HAUS1: variants seen among roughly 807,000 people sequenced by gnomAD.
The protein encoded by HAUS1 is HAUS augmin like complex subunit 1.
A neutral mutation model predicts 38.6 loss-of-function variants in HAUS1; 25 were observed. That is an observed-to-expected ratio of 0.65 (90% CI 0.47 to 0.91). The LOEUF (loss-of-function observed/expected upper bound fraction) is 0.91. Ranked by LOEUF, HAUS1 falls within the 40% of genes least tolerant of loss-of-function variation. The pLI is 0.00. For synonymous variants in HAUS1, 109 were observed against 112.9 expected, an observed-to-expected ratio of 0.97 and a Z score of 0.22; for missense variants, 325 against 328.4, an observed-to-expected ratio of 0.99 and a Z score of 0.08.
chr18:46,112,288 ATG>A (rs1166282664), intron 2 of HAUS1, among the ~76,000 whole-genome samples: 1 of 128,008 alleles, frequency 7.8e-6, no homozygotes, highest in Non-Finnish European at 1.6e-5. Context: ...ATAATATATA[ATG>A]TGTATATATA....
intron 8 of HAUS1, among the ~76,000 whole-genome samples, chr18:46,126,963 T>C (rs1912126771): frequency 1.3e-5 from 2 of 151,880 alleles, no homozygotes; most frequent in Middle Eastern, 3.4e-3. Flanking sequence ...GCCTCCTGAG[T>C]AGCTGGAACT....
At chr18:46,125,942 C>T in intron 8 of HAUS1, 151 bp downstream of exon 8, 1 of 604,994 alleles carries the variant, frequency 1.7e-6, no homozygotes, top group Non-Finnish European at 2.9e-6. Flanking sequence ...TCTTTTAATA[C>T]TTTTTTGGCT....
intron 2 of HAUS1, among the ~76,000 whole-genome samples, chr18:46,111,689 C>T (rs1279715760): frequency 1.3e-5 from 2 of 151,766 alleles, no homozygotes; most frequent in African/African-American, 4.8e-5. Context: ...AACCCCTGAC[C>T]TCAAGTGATC....
intron 2 of HAUS1, among the ~76,000 whole-genome samples, 195 bp downstream of exon 2, chr18:46,105,563 TG>T: frequency 6.7e-6 from 1 of 149,456 alleles, no homozygotes; most frequent in South Asian, 2.1e-4. Context: ...TGTGTGTGTG[TG>T]TGTGTGTGTG....
chr18:46,125,745 A>G lies in HAUS1; in HGVS notation c.740A>G (p.Asn247Ser), dbSNP rs1252258442. 1 of 1,594,526 alleles carries G rather than the reference A, an allele frequency of 6.3e-7. No homozygotes were observed. ...KLESYLDLMP[N>S]PSLAQVKIEE... ...TCCTTGTTTTATTTTTTTTTAAAGA[A>G]TCCGTCTCTTGCTCAAGTGAAAATT... Residue 247 changes from asparagine to serine, a missense_variant and splice_region_variant, in exon 8 of 9, where the codon AAT becomes AGT. Physicochemically the swap from Asn to Ser is conservative, Grantham distance 46. Coordinates refer to ENST00000282058, the MANE Select transcript of HAUS1 (RefSeq NM_138443.4).
chr18:46,120,120 C>A, intron 4 of HAUS1, 60 bp downstream of exon 4: 2 of 1,234,696 alleles, frequency 1.6e-6, no homozygotes, highest in South Asian at 1.7e-5. Flanking sequence ...AGGACATTGT[C>A]AAATTTAGTT....
At position 46,120,060 on chromosome 18, in the gene HAUS1, A is replaced by G. The variant is rs748171285; in HGVS notation, c.476A>G (p.Glu159Gly). Residue 159 changes from glutamate to glycine, a missense_variant and splice_region_variant, in exon 4 of 9, where the codon GAG (glutamate) becomes GGG (glycine). Glu to Gly is a moderately conservative substitution (Grantham distance 98, BLOSUM62 -2). Coordinates refer to ENST00000282058, the MANE Select transcript of HAUS1 (RefSeq NM_138443.4). ...TTAGTATTAGAAAAATGTCTACAAG[A>G]GTAAGTAATTGAGTTCAGAGTGGTG... is the stretch of plus-strand genomic sequence containing the variant. The part of the protein sequence containing the change: ...ATLVLEKCLQ[E>G]DVKKAELHLS... The G allele has an allele frequency of 6.3e-7, 1 of 1,588,970 alleles. No homozygotes were observed. Among genetic ancestry groups the G allele is most frequent in the Admixed American group, 1.8e-5 (1 of 56,906 alleles).
chr18:46,120,676 C>T (rs1911913174), intron 4 of HAUS1, among the ~76,000 whole-genome samples: 1 of 152,050 alleles, frequency 6.6e-6, no homozygotes, highest in South Asian at 2.1e-4. Context: ...ACCTCCACTT[C>T]CCGGGTTCAA....
At chr18:46,123,597 CT>C (rs2144264654) in intron 6 of HAUS1, among the ~76,000 whole-genome samples, 1 of 152,252 alleles carries the variant, frequency 6.6e-6, no homozygotes, top group African/African-American at 2.4e-5. Flanking sequence ...GCTGGAGTCA[CT>C]TATGTATTAT....
rs374962238 is a variant in HAUS1 at position 46,124,845 on chromosome 18, G to A, written c.690G>A (p.Gln230=). ...LSEKLARLKQ[Q]TIPLKKKLES... ...AGAAACTGGCAAGATTAAAGCAACA[G>A]ACTATACCTTTGAAGAAAAAATTGG... Residue 230 remains glutamine, a synonymous_variant, in exon 7 of 9, where the codon CAG becomes CAA. Transcript: ENST00000282058. 2.7e-5 allele frequency: 44 copies of A among 1,606,868 alleles called. No individual in the cohort carries two copies. Among genetic ancestry groups the A allele is most frequent in the Non-Finnish European group, 3.7e-5 (43 of 1,174,366 alleles).
At chr18:46,115,458 C>CA (rs35249053) in intron 2 of HAUS1, among the ~76,000 whole-genome samples, 1,494 of 108,758 alleles carry the variant, frequency 0.014, 30 homozygotes, top group African/African-American at 0.044. Flanking sequence ...GACTGCATCT[C>CA]AAAAAAAAAA....
At chr18:46,120,264 T>C (rs1163808980) in intron 4 of HAUS1, among the ~76,000 whole-genome samples, 3 of 151,752 alleles carry the variant, frequency 2.0e-5, no homozygotes, top group East Asian at 3.9e-4. Context: ...AAACGGAGTC[T>C]CACTCTGTCA....
chr18:46,104,503 C>CCGA, intron 1 of HAUS1, 62 bp downstream of exon 1: 1 of 1,355,898 alleles, frequency 7.4e-7, no homozygotes, highest in Non-Finnish European at 9.8e-7. Context: ...CACCCCCGCG[C>CCGA]CGACAGCGGG....
chr18:46,123,075 G>T, intron 5 of HAUS1: 1 of 448,470 alleles, frequency 2.2e-6, no homozygotes, highest in Non-Finnish European at 4.1e-6. Flanking sequence ...GCCGGGCGTG[G>T]TGGTGGGCGC....
At chr18:46,112,288 A>G (rs1426264477) in intron 2 of HAUS1, among the ~76,000 whole-genome samples, 1 of 128,008 alleles carries the variant, frequency 7.8e-6, no homozygotes, top group Non-Finnish European at 1.6e-5. Context: ...ATAATATATA[A>G]TGTGTATATA....
rs371654044 is a variant in HAUS1 at position 46,124,836 on chromosome 18, A to G, written c.681A>G (p.Leu227=). ...LVALSEKLAR[L]KQQTIPLKKK... The stretch of plus-strand genomic sequence containing the variant: ...TTTACCCCCAGAAACTGGCAAGATT[A>G]AAGCAACAGACTATACCTTTGAAGA... Residue 227 remains leucine (L), a synonymous_variant, in exon 7 of 9, where the codon TTA becomes TTG. Transcript: ENST00000282058. 20 of 1,602,130 alleles carry G rather than the reference A, an allele frequency of 1.2e-5. No homozygotes were observed. In the African/African-American group the frequency reaches 2.3e-4, roughly 18 times the overall value.
At chr18:46,104,526 G>C in intron 1 of HAUS1, 85 bp downstream of exon 1, 1 of 1,179,910 alleles carries the variant, frequency 8.5e-7, no homozygotes, top group South Asian at 1.9e-5. Flanking sequence ...TCCTGTGCGC[G>C]CCACGTCTAC....
At chr18:46,128,045 C>G in intron 8 of HAUS1, 30 bp from the exon 9 acceptor site, 2 of 1,407,792 alleles carry the variant, frequency 1.4e-6, no homozygotes, top group South Asian at 1.3e-5. Context: ...GTTTTATGTC[C>G]TTATCTATGG....
At chr18:46,122,946 C>T (rs930028486) in intron 5 of HAUS1, among the ~76,000 whole-genome samples, 2 of 152,178 alleles carry the variant, frequency 1.3e-5, no homozygotes, top group African/African-American at 4.8e-5. Context: ...GGCACGGTGG[C>T]TCACGCCTGT....
Sources: gnomAD v4.1 joint callset for allele counts (sites outside exome capture counted in the v4.1 genomes callset) on GRCh38, gnomAD v4.1.1 for gene constraint, MANE v1.5 for transcripts, NCBI Gene and HGNC (gene_info 2026-07-23, HGNC 2026-07-21) for gene names.